ZNF705G: variants seen among roughly 807,000 people sequenced by gnomAD.
ZNF705G encodes zinc finger protein 705G, also known as putative zinc finger protein 705G.
A neutral mutation model predicts 19.6 loss-of-function variants in ZNF705G; 23 were observed. The ratio of observed to expected loss-of-function variants is 1.17; its 90% CI spans 0.84 to 1.66. ZNF705G has a LOEUF of 1.66. ZNF705G is among the 40% of genes most tolerant of loss of function. The pLI is 0.00. For synonymous variants in ZNF705G, 146 were observed against 117.7 expected (o/e 1.24, Z -1.56); for missense variants, 457 against 354.4 (o/e 1.29, Z -2.32).
rs1319916132 is a variant in ZNF705G at position 7,383,070 on chromosome 8, G to T, written c.-221-1469C>A. 4.1e-5 allele frequency among the ~76,000 whole-genome samples: 6 copies of T among 147,640 alleles called. No homozygotes were observed. In the South Asian group the frequency reaches 1.3e-3, roughly 31 times the overall value. Reference sequence around the variant, plus strand: ...ACCCATTTTAGAAGCTAAAAAAGGAGAAGAAATTCTGTAAATGGAAATTAC... The same window carrying T: ...ACCCATTTTAGAAGCTAAAAAAGGATAAGAAATTCTGTAAATGGAAATTAC... On this transcript the variant is annotated intron_variant, in intron 1 of 6. Transcript: ENST00000400156.
In ZNF705G at chr8:7,370,805, A is replaced by C. The variant is rs1462781376; in HGVS notation, c.-71-7788T>G. 3.6e-5 allele frequency among the ~76,000 whole-genome samples: 4 copies of C among 110,582 alleles called. 1 individual carries two copies. Among genetic ancestry groups the C allele is most frequent in the African/African-American group, 8.4e-5 (2 of 23,870 alleles). 72.5% of individuals were successfully genotyped at this position (110,582 alleles called of 152,430 possible). On this transcript the variant is annotated intron_variant, in intron 2 of 6. Transcript: ENST00000400156. ...ACTATTCACAACAGCAAAGACATGG[A>C]ATCAACCCGAATGTCCATCAGTGAC...
In ZNF705G at chr8:7,365,167, A is replaced by T. The variant is rs531045067; in HGVS notation, c.-71-2150T>A. ...ATAAAAACTATTTCAAGATGTAGAG[A>T]TTAAATATATTTAAAAACACATACA... On this transcript the variant is annotated intron_variant, in intron 2 of 6. Coordinates refer to ENST00000400156, the MANE Select transcript of ZNF705G (RefSeq NM_001164457.3). Among the ~76,000 whole-genome samples the T allele has an allele frequency of 4.0e-5, 6 of 149,722 alleles. 3 individuals are homozygous for T. The highest frequency in any genetic ancestry group is 1.5e-4 in the African/African-American group (6 of 39,110).
intron 2 of ZNF705G, among the ~76,000 whole-genome samples, chr8:7,363,750 G>C (rs1287400771): frequency 6.7e-6 from 1 of 149,016 alleles, no homozygotes; most frequent in East Asian, 1.9e-4. Flanking sequence ...GAACCCAGGA[G>C]GCAGAGATTA....
At chr8:7,360,534 G>A (rs1171040851) in intron 4 of ZNF705G, among the ~76,000 whole-genome samples, 1 of 149,268 alleles carries the variant, frequency 6.7e-6, no homozygotes, top group Non-Finnish European at 1.5e-5. Context: ...GGTCCATCAG[G>A]AAAAGGAAAT....
rs750040826 is a variant in ZNF705G at position 7,358,341 on chromosome 8, C to T, written c.538G>A (p.Ala180Thr). The change falls in exon 7 of 7, where the codon GCC becomes ACC. Residue 180 changes from alanine (A) to threonine (T), a missense_variant. Coordinates refer to ENST00000400156, the MANE Select transcript of ZNF705G (RefSeq NM_001164457.3). ...KSYQCNLCEK[A>T]YTNCFHLRRH... is the part of the protein sequence containing the mutation. ...CTAAGGTGAAAGCAATTAGTATAGG[C>T]CTTTTCACATAGATTACACTGATAT... 3 of 1,607,452 alleles carry T rather than the reference C, an allele frequency of 1.9e-6. No individual in the cohort carries two copies. The highest frequency in any genetic ancestry group is 1.7e-6 in the Non-Finnish European group (2 of 1,179,606).
In ZNF705G at chr8:7,360,284, T is replaced by C. The variant is rs756555719; in HGVS notation, c.188A>G (p.Lys63Arg). Residue 63 changes from lysine (K) to arginine (R), a missense_variant, in exon 5 of 7, where the codon AAA becomes AGA. By Grantham distance (26) the Lys-to-Arg change is conservative. Transcript: ENST00000400156. ...TACTCTTCCTTCCCTCCACAGCTCT[T>C]TTCCTTGCTCCAGCTGCAAAATTAT... ...SYIILQLEQG[K>R]ELWREGRVFL... 20 of 1,591,414 alleles carry C rather than the reference T, an allele frequency of 1.3e-5. No homozygotes were observed. The highest frequency in any genetic ancestry group is 1.5e-5 in the Non-Finnish European group (18 of 1,179,040).
chr8:7,380,947 G>A (rs1807465751), intron 2 of ZNF705G, among the ~76,000 whole-genome samples: 1 of 131,602 alleles, frequency 7.6e-6, no homozygotes, highest in African/African-American at 3.8e-5. Flanking sequence ...AGCCCAGGAG[G>A]CAGAGTTGCA....
intron 2 of ZNF705G, among the ~76,000 whole-genome samples, chr8:7,363,533 T>C (rs1806702722): frequency 6.7e-6 from 1 of 149,746 alleles, no homozygotes. Context: ...TAAGAATCTG[T>C]TTTAGGGTGG....
At chr8:7,369,220 G>A (rs1287081924) in intron 2 of ZNF705G, among the ~76,000 whole-genome samples, 1 of 149,450 alleles carries the variant, frequency 6.7e-6, no homozygotes, top group East Asian at 1.9e-4. Flanking sequence ...AAAATTTGAG[G>A]TGAGATTTGG....
intron 2 of ZNF705G, among the ~76,000 whole-genome samples, chr8:7,369,930 T>A (rs1002631886): frequency 2.7e-5 from 4 of 149,142 alleles, no homozygotes; most frequent in Non-Finnish European, 4.4e-5. Flanking sequence ...AAACTATCTA[T>A]TGGGTATTAT....
chr8:7,376,887 G>GTT (rs1248169388), intron 2 of ZNF705G, among the ~76,000 whole-genome samples: 9 of 149,156 alleles, frequency 6.0e-5, no homozygotes, highest in African/African-American at 1.5e-4. Flanking sequence ...GAGAGTGTGT[G>GTT]TGTGTGTGTA....
intron 2 of ZNF705G, among the ~76,000 whole-genome samples, chr8:7,376,814 CT>C (rs1396676060): frequency 6.7e-6 from 1 of 149,936 alleles, no homozygotes; most frequent in African/African-American, 2.5e-5. Flanking sequence ...AGTATATTAT[CT>C]TTTAGGTCTA....
At chr8:7,369,313 A>G (rs189596480) in intron 2 of ZNF705G, among the ~76,000 whole-genome samples, 1 of 149,586 alleles carries the variant, frequency 6.7e-6, no homozygotes, top group South Asian at 2.1e-4. Flanking sequence ...GTCCAATAGA[A>G]GTCTGCTGGG....
intron 2 of ZNF705G, among the ~76,000 whole-genome samples, chr8:7,370,305 A>G (rs1807045768): frequency 6.7e-6 from 1 of 148,338 alleles, no homozygotes; most frequent in Admixed American, 6.6e-5. Context: ...CTGAGTAGAC[A>G]TTTCCCAGAA....
At position 7,355,822 on chromosome 8, in the gene ZNF705G, C is replaced by T. The variant is rs1461147270; in HGVS notation, c.*2154G>A. 3 of 149,480 alleles carry T rather than the reference C, an allele frequency of 2.0e-5. No individual in the cohort carries two copies. The highest frequency in any genetic ancestry group is 4.4e-5 in the Non-Finnish European group (3 of 68,012). 9.3% of individuals were successfully genotyped at this position (149,480 alleles called of 1,614,324 possible). A position where few individuals can be genotyped will look rare whatever the true frequency, so the allele number is the denominator to read the frequency against. ...ACAATAAATAATGATATGAGCTCTGCCTGGACACAGTCCTTGCCTCTCCAA... is the reference window on the plus strand; with the variant it reads ...ACAATAAATAATGATATGAGCTCTGTCTGGACACAGTCCTTGCCTCTCCAA... On this transcript the variant is annotated 3_prime_UTR_variant, in exon 7 of 7. Transcript: ENST00000400156.
chr8:7,364,608 C>A (rs1367509835), intron 2 of ZNF705G, among the ~76,000 whole-genome samples: 1 of 149,536 alleles, frequency 6.7e-6, no homozygotes, highest in Non-Finnish European at 1.5e-5. Context: ...CTCCCCTAAC[C>A]AACGTTCTCT....
chr8:7,367,454 A>G (rs1386245692), intron 2 of ZNF705G, among the ~76,000 whole-genome samples: 2 of 149,638 alleles, frequency 1.3e-5, no homozygotes, highest in East Asian at 3.9e-4. Flanking sequence ...GGCAAAGCAT[A>G]ATCTTCCGGG....
chr8:7,368,076 A>G (rs957044291), intron 2 of ZNF705G, among the ~76,000 whole-genome samples: 3 of 149,512 alleles, frequency 2.0e-5, no homozygotes, highest in African/African-American at 5.1e-5. Context: ...GCATCCTCTG[A>G]TTGGCTTCCC....
At chr8:7,360,995 CTG>C in intron 4 of ZNF705G, 113 bp downstream of exon 4, 1 of 1,567,660 alleles carries the variant, frequency 6.4e-7, no homozygotes, top group Non-Finnish European at 8.6e-7. Flanking sequence ...CAGATGAGAT[CTG>C]TGAGAGAATC....
Sources: gnomAD v4.1 joint callset for allele counts (sites outside exome capture counted in the v4.1 genomes callset) on GRCh38, gnomAD v4.1.1 for gene constraint, MANE v1.5 for transcripts, NCBI Gene and HGNC (gene_info 2026-07-23, HGNC 2026-07-21) for gene names.